LOXL2: variants seen among roughly 807,000 people sequenced by gnomAD.
LOXL2 encodes lysyl oxidase like 2.
A neutral mutation model predicts 93.0 loss-of-function variants in LOXL2; 70 were observed. That is an observed-to-expected ratio of 0.75 (90% CI 0.62 to 0.92). The LOEUF is 0.92. Among genes scored for constraint, LOXL2 ranks in the 40% least tolerant of loss-of-function variants. LOXL2 has a pLI of 0.00. For synonymous variants in LOXL2, 438 were observed against 413.2 expected, an observed-to-expected ratio of 1.06 and a Z score of -0.73; for missense variants, 973 against 1,054.9, an observed-to-expected ratio of 0.92 and a Z score of 1.08.
chr8:23,312,608 G>C (rs944978330), intron 9 of LOXL2, among the ~76,000 whole-genome samples: 1 of 134,694 alleles, frequency 7.4e-6, no homozygotes, highest in African/African-American at 3.0e-5. Flanking sequence ...AACCCTTCAT[G>C]CTAAAAACTC....
At chr8:23,334,630 C>CT (rs1803760218) in intron 4 of LOXL2, among the ~76,000 whole-genome samples, 1 of 151,498 alleles carries the variant, frequency 6.6e-6, no homozygotes, top group Admixed American at 6.6e-5. Flanking sequence ...CAAAGTGTTC[C>CT]TTTGTATGTT....
intron 9 of LOXL2, among the ~76,000 whole-genome samples, chr8:23,313,219 GC>G (rs1422524735): frequency 5.9e-5 from 9 of 152,098 alleles, no homozygotes; most frequent in African/African-American, 2.2e-4. Flanking sequence ...TGGCCATACT[GC>G]CCAAGGTAAT....
intron 1 of LOXL2, among the ~76,000 whole-genome samples, chr8:23,390,569 G>A (rs1409007800): frequency 1.3e-5 from 2 of 152,222 alleles, no homozygotes; most frequent in East Asian, 1.9e-4. Flanking sequence ...GTTCCCCGCA[G>A]CCCACCGCTG....
At chr8:23,324,592 G>T (rs980088392) in intron 6 of LOXL2, among the ~76,000 whole-genome samples, 1 of 152,202 alleles carries the variant, frequency 6.6e-6, no homozygotes, top group African/African-American at 2.4e-5. Context: ...CTACTCCTGT[G>T]TTCTGGAGCA....
intron 1 of LOXL2, among the ~76,000 whole-genome samples, chr8:23,380,033 C>A (rs889798720): frequency 6.6e-6 from 1 of 152,190 alleles, no homozygotes. Flanking sequence ...GCGTTGCTCA[C>A]GCTGGCAGAC....
At chr8:23,374,211 G>A (rs908826153) in intron 1 of LOXL2, among the ~76,000 whole-genome samples, 15 of 148,950 alleles carry the variant, frequency 1.0e-4, no homozygotes, top group Non-Finnish European at 2.2e-4. Flanking sequence ...TTGGTTTTTT[G>A]TTCTTGCAAT....
chr8:23,337,837 A>T (rs534747842), intron 4 of LOXL2, among the ~76,000 whole-genome samples: 2 of 152,210 alleles, frequency 1.3e-5, no homozygotes, highest in South Asian at 4.1e-4. Context: ...GGCCACACCA[A>T]TCAGAGAGCA....
chr8:23,400,477 A>T (rs950208390), intron 1 of LOXL2, among the ~76,000 whole-genome samples: 6 of 152,232 alleles, frequency 3.9e-5, no homozygotes, highest in African/African-American at 1.4e-4. Context: ...CTTTCCTACA[A>T]CACATGGGAA....
Position 23,397,378 on chromosome 8 carries a change from A to T in LOXL2, c.-84+6576T>A, listed in dbSNP as rs569133045. ...AGTTTTATGTTACGTATATTTTACC[A>T]CAATAAACACAAAAGCAACCCAAAA... On this transcript the variant is annotated intron_variant, in intron 1 of 13. Transcript: ENST00000389131. 9.2e-5 allele frequency among the ~76,000 whole-genome samples: 14 copies of T among 152,344 alleles called. No individual in the cohort carries two copies. In the South Asian group the frequency reaches 2.9e-3, roughly 32 times the overall value.
At chr8:23,357,829 A>G (rs1804224957) in intron 3 of LOXL2, among the ~76,000 whole-genome samples, 1 of 152,202 alleles carries the variant, frequency 6.6e-6, no homozygotes, top group Non-Finnish European at 1.5e-5. Context: ...ATTTGCTTCC[A>G]TGTGCTTCTC....
At chr8:23,401,622 T>C (rs1400949938) in intron 1 of LOXL2, among the ~76,000 whole-genome samples, 1 of 152,240 alleles carries the variant, frequency 6.6e-6, no homozygotes, top group Non-Finnish European at 1.5e-5. Context: ...TTTTTTTGCA[T>C]ACTTGAAATT....
At chr8:23,383,472 C>T (rs895553266) in intron 1 of LOXL2, among the ~76,000 whole-genome samples, 24 of 152,104 alleles carry the variant, frequency 1.6e-4, no homozygotes, top group African/African-American at 5.5e-4. Context: ...AAATATTGGC[C>T]GAGTGAATAA....
At chr8:23,354,000 G>GC (rs1804141238) in intron 3 of LOXL2, among the ~76,000 whole-genome samples, 1 of 152,066 alleles carries the variant, frequency 6.6e-6, no homozygotes, top group Non-Finnish European at 1.5e-5. Flanking sequence ...ACTATCAGGA[G>GC]CCCCCAAGGA....
chr8:23,330,321 G>A (rs554588949), intron 5 of LOXL2, among the ~76,000 whole-genome samples: 107 of 151,064 alleles, frequency 7.1e-4, no homozygotes, highest in African/African-American at 2.5e-3. Context: ...GCGAAAGAGC[G>A]AGACTCCGTC....
In LOXL2 at chr8:23,309,184, C is replaced by T. The variant is rs548060167; in HGVS notation, c.1880+484G>A. Among the ~76,000 whole-genome samples, 17 of 152,092 alleles carry T rather than the reference C, an allele frequency of 1.1e-4. No homozygotes were observed. In the South Asian group the frequency reaches 1.5e-3, roughly 13 times the overall value. On this transcript the variant is annotated intron_variant, in intron 10 of 13. Coordinates refer to ENST00000389131, the MANE Select transcript of LOXL2 (RefSeq NM_002318.3). ...ATTTTTAGTAGAGACGGGGTTTCAC[C>T]GTGTTAGCCAGAATGGGCTTGATCT... is the stretch of plus-strand genomic sequence containing the variant.
At chr8:23,335,582 T>A (rs1000662394) in intron 4 of LOXL2, among the ~76,000 whole-genome samples, 4 of 151,980 alleles carry the variant, frequency 2.6e-5, no homozygotes, top group African/African-American at 9.7e-5. Flanking sequence ...GATGGTGGGA[T>A]CTGAAACAAA....
chr8:23,310,186 A>T (rs1369722104), intron 9 of LOXL2, among the ~76,000 whole-genome samples: 1 of 152,246 alleles, frequency 6.6e-6, no homozygotes, highest in African/African-American at 2.4e-5. Context: ...CGAAGCACAG[A>T]TCATGGTACG....
intron 2 of LOXL2, 37 bp from the exon 3 acceptor site, chr8:23,360,302 G>A (rs370001992): frequency 5.5e-5 from 82 of 1,500,100 alleles, no homozygotes; most frequent in African/African-American, 2.9e-4. Flanking sequence ...CAAGTGCTGC[G>A]TCAATGCAGG....
intron 1 of LOXL2, among the ~76,000 whole-genome samples, chr8:23,379,722 G>A (rs552015423): frequency 7.2e-5 from 11 of 152,310 alleles, no homozygotes; most frequent in African/African-American, 2.2e-4. Context: ...CTCCGTGGGC[G>A]TGGGACCCCC....
Sources: gnomAD v4.1 joint callset for allele counts (sites outside exome capture counted in the v4.1 genomes callset) on GRCh38, gnomAD v4.1.1 for gene constraint, MANE v1.5 for transcripts, NCBI Gene and HGNC (gene_info 2026-07-23, HGNC 2026-07-21) for gene names.